Variants in CDH11 observed in about 807,000 individuals in gnomAD.
CDH11 encodes the protein cadherin 11, also known as cadherin-11.
Under a neutral mutation model 67.8 loss-of-function variants are expected in CDH11, and 11 were observed. The observed-to-expected ratio is 0.16, with a 90% CI of 0.10 to 0.27. The LOEUF is 0.27. CDH11 is among the 10% of genes least tolerant of loss of function. CDH11 has a pLI of 1.00. For missense variants in CDH11, 847 were observed against 1,031.2 expected, an observed-to-expected ratio of 0.82 and a Z score of 2.45; for synonymous variants, 419 against 400.0, an observed-to-expected ratio of 1.05 and a Z score of -0.57.
chr16:65,062,047 G>A (rs1347527182), intron 1 of CDH11, among the ~76,000 whole-genome samples: 1 of 152,142 alleles, frequency 6.6e-6, no homozygotes, highest in African/African-American at 2.4e-5. Context: ...CCCAACAGCT[G>A]TACTCTACTC....
At chr16:65,032,838 GT>G (rs879260467) in intron 2 of CDH11, among the ~76,000 whole-genome samples, 4 of 152,134 alleles carry the variant, frequency 2.6e-5, no homozygotes, top group Admixed American at 6.5e-5. Flanking sequence ...GAAATATCAA[GT>G]TTTTACAAAA....
rs377686621 is a variant in CDH11 at position 65,108,631 on chromosome 16, C to T, written c.-298+13249G>A. 1.6e-4 allele frequency among the ~76,000 whole-genome samples: 24 copies of T among 151,942 alleles called. 1 individual carries two copies. The East Asian group carries it at 2.3e-3, about 15-fold the overall frequency. ...AAATGAAGCACTTCACCCTGATTTT[C>T]AATTTGGCTTTGGATTTAAATGTAG... is the stretch of plus-strand genomic sequence containing the variant. On this transcript the variant is annotated intron_variant, in intron 1 of 12. Transcript: ENST00000268603.
At chr16:65,033,472 G>A (rs964255598) in intron 2 of CDH11, among the ~76,000 whole-genome samples, 1 of 152,120 alleles carries the variant, frequency 6.6e-6, no homozygotes, top group African/African-American at 2.4e-5. Context: ...CGGGTGCGGT[G>A]GCTCAAGCCT....
intron 11 of CDH11, among the ~76,000 whole-genome samples, chr16:64,967,715 T>C (rs574283706): frequency 1.3e-5 from 2 of 152,232 alleles, no homozygotes; most frequent in South Asian, 4.1e-4. Flanking sequence ...AAGAAATGTA[T>C]GCAAAGAAAG....
At chr16:65,016,834 T>C (rs566502703) in intron 2 of CDH11, among the ~76,000 whole-genome samples, 1 of 152,228 alleles carries the variant, frequency 6.6e-6, no homozygotes, top group Admixed American at 6.5e-5. Context: ...AAATGGTTAT[T>C]TCTTGATTAT....
chr16:65,100,054 A>G (rs2074964407), intron 1 of CDH11, among the ~76,000 whole-genome samples: 1 of 152,178 alleles, frequency 6.6e-6, no homozygotes, highest in African/African-American at 2.4e-5. Context: ...TATGAAAGAA[A>G]TATCAGAAAT....
intron 1 of CDH11, among the ~76,000 whole-genome samples, chr16:65,109,651 G>A (rs2075123802): frequency 6.6e-6 from 1 of 152,142 alleles, no homozygotes; most frequent in Non-Finnish European, 1.5e-5. Flanking sequence ...CAGCTTTTGA[G>A]ATTTTTGCAT....
chr16:65,024,156 C>T (rs1761096562), intron 2 of CDH11, among the ~76,000 whole-genome samples: 2 of 152,166 alleles, frequency 1.3e-5, no homozygotes, highest in South Asian at 2.1e-4. Flanking sequence ...TTGATAAGGG[C>T]ACTTTCTCAG....
chr16:65,065,912 T>C (rs2074305238), intron 1 of CDH11, among the ~76,000 whole-genome samples: 1 of 152,212 alleles, frequency 6.6e-6, no homozygotes, highest in African/African-American at 2.4e-5. Context: ...AAGTGGATTG[T>C]TGCATAGATA....
intron 8 of CDH11, 110 bp from the exon 9 acceptor site, chr16:64,973,150 G>C: frequency 9.5e-7 from 1 of 1,055,190 alleles, no homozygotes; most frequent in South Asian, 1.5e-5. Context: ...AATTACTTAA[G>C]CTAGATTTTC....
intron 1 of CDH11, among the ~76,000 whole-genome samples, chr16:65,054,405 G>A (rs1189752235): frequency 6.6e-6 from 1 of 152,192 alleles, no homozygotes; most frequent in Non-Finnish European, 1.5e-5. Context: ...AGCAATAGCA[G>A]TGGTGGTAAT....
chr16:65,092,940 T>C (rs2074816913), intron 1 of CDH11, among the ~76,000 whole-genome samples: 1 of 113,664 alleles, frequency 8.8e-6, no homozygotes, highest in African/African-American at 4.4e-5. Flanking sequence ...GTTTGTCTCC[T>C]TTTTTTTTTT....
intron 8 of CDH11, among the ~76,000 whole-genome samples, chr16:64,974,063 T>C (rs12597175): frequency 0.15 from 22,679 of 152,006 alleles, 2,257 homozygotes; most frequent in East Asian, 0.42. Context: ...AAAAACCACA[T>C]AATATTATTG....
chr16:64,990,036 T>G (rs2072591162), intron 6 of CDH11, among the ~76,000 whole-genome samples: 1 of 152,182 alleles, frequency 6.6e-6, no homozygotes, highest in Non-Finnish European at 1.5e-5. Context: ...TGTAGATAAT[T>G]ACCAATTAAT....
intron 7 of CDH11, chr16:64,985,870 C>G (rs914661785): frequency 6.6e-6 from 1 of 150,702 alleles, no homozygotes; most frequent in African/African-American, 2.4e-5. Context: ...CTGAGAAAAC[C>G]CTCTCGGTTT....
Position 64,991,618 on chromosome 16 carries a change from T to C in CDH11, c.811+150A>G, listed in dbSNP as rs908216776. 7.4e-6 allele frequency: 4 copies of C among 543,512 alleles called. No individual in the cohort carries two copies. In the South Asian group the frequency reaches 1.2e-4, roughly 16 times the overall value. The allele number at this position is 543,512 out of a possible 1,614,324, so 33.7% of individuals were successfully genotyped here. On this transcript the variant is annotated intron_variant, in intron 6 of 12. Transcript: ENST00000268603. ...TTGTTGTTGTTGTTGTTGTCTTGTT[T>C]TTGTGTTTTGTTTTTGTAAGAATGA... is the stretch of plus-strand genomic sequence containing the variant.
chr16:65,123,044 G>A (rs1196896169), upstream of CDH11, among the ~76,000 whole-genome samples: 1 of 152,186 alleles, frequency 6.6e-6, no homozygotes, highest in African/African-American at 2.4e-5. Context: ...ACTCGCTACC[G>A]TGAGGGTTCC....
At chr16:65,100,088 G>C (rs1205551231) in intron 1 of CDH11, among the ~76,000 whole-genome samples, 1 of 152,184 alleles carries the variant, frequency 6.6e-6, no homozygotes, top group Non-Finnish European at 1.5e-5. Context: ...ACTGGCAATG[G>C]ACTGGGTGTG....
In CDH11 at chr16:64,981,960, T is replaced by C. The variant is rs572833242; in HGVS notation, c.1253+88A>G. The C allele has an allele frequency of 9.0e-5, 110 of 1,223,220 alleles. No homozygotes were observed. The East Asian group carries it at 1.2e-3, about 13-fold the overall frequency. 75.8% of individuals were successfully genotyped at this position (1,223,220 alleles called of 1,614,324 possible). On this transcript the variant is annotated intron_variant, in intron 8 of 12. Coordinates refer to ENST00000268603, the MANE Select transcript of CDH11 (RefSeq NM_001797.4). ...TGATAAACTTGAACCCTTTTTGAAA[T>C]TGAAAAACGTGGTTCCTACAGGGCT...
Sources: allele counts gnomAD v4.1 joint callset (sites outside exome capture counted in the v4.1 genomes callset), GRCh38; gene constraint gnomAD v4.1.1; transcripts MANE v1.5; gene names NCBI Gene and HGNC (gene_info 2026-07-23, HGNC 2026-07-21).